The following CUBN variants were observed in gnomAD, a reference collection of about 807,000 sequenced individuals.
CUBN encodes the protein 460 kDa receptor.
Under a neutral mutation model 405.3 loss-of-function variants are expected in CUBN, and 282 were observed. That is an observed-to-expected ratio of 0.70 (90% CI 0.63 to 0.77). The LOEUF is 0.77. Among genes scored for constraint, CUBN ranks in the 30% least tolerant of loss-of-function variants. CUBN has a pLI of 0.00. For missense variants in CUBN, 4,514 were observed against 4,475.2 expected, an observed-to-expected ratio of 1.01 and a Z score of -0.25; for synonymous variants, 1,684 against 1,617.0, an observed-to-expected ratio of 1.04 and a Z score of -0.99.
chr10:16,845,365 G>A (rs1021501617), intron 60 of CUBN, among the ~76,000 whole-genome samples: 2 of 152,214 alleles, frequency 1.3e-5, no homozygotes, highest in East Asian at 1.9e-4. Flanking sequence ...CAGAATCTTA[G>A]AGTATCTTCA....
intron 13 of CUBN, among the ~76,000 whole-genome samples, chr10:17,102,400 C>T (rs1458824883): frequency 1.3e-5 from 2 of 151,526 alleles, no homozygotes; most frequent in East Asian, 1.9e-4. Flanking sequence ...GATTCTCCTG[C>T]CTCAGCCTCC....
chr10:17,076,692 A>T (rs898149770), intron 17 of CUBN, among the ~76,000 whole-genome samples: 4 of 152,152 alleles, frequency 2.6e-5, no homozygotes, highest in Non-Finnish European at 5.9e-5. Context: ...TGCCCAACAG[A>T]GTGTGAGCAA....
rs1239103042 is a variant in CUBN at position 17,129,265 on chromosome 10, C to T, written c.123-15G>A. The T allele has an allele frequency of 2.5e-6, 4 of 1,612,904 alleles. No individual in the cohort carries two copies. In the African/African-American group the frequency reaches 4.0e-5, roughly 16 times the overall value. ...CCATTCGAGGCCTATATAATTCAAA[C>T]GAGAGAATGCATCAGTAATTAGCAA... On this transcript the variant is annotated splice_polypyrimidine_tract_variant and intron_variant, in intron 1 of 66. Coordinates refer to ENST00000377833, the MANE Select transcript of CUBN (RefSeq NM_001081.4).
chr10:16,920,017 T>G lies in CUBN; in HGVS notation c.6767A>C (p.Glu2256Ala). 6.2e-7 allele frequency: 1 copy of G among 1,613,996 alleles called. No homozygotes were observed. Among genetic ancestry groups the G allele is most frequent in the East Asian group, 2.2e-5 (1 of 44,864 alleles). Residue 2256 changes from glutamate to alanine, a missense_variant, in exon 44 of 67, where the codon GAA becomes GCA. Physicochemically the swap from Glu to Ala is moderately radical, Grantham distance 107 (BLOSUM62 -1). Coordinates refer to ENST00000377833, the MANE Select transcript of CUBN (RefSeq NM_001081.4). The part of the protein sequence containing the change: ...DCIWILAAPP[E>A]TRIQLQFEDR... The stretch of plus-strand genomic sequence containing the variant: ...TTCAAATTGCAGCTGTATGCGTGTT[T>G]CCGGTGGAGCCGCTAAGATCCAAAT...
Position 16,900,778 on chromosome 10 carries a change from C to T in CUBN, c.8257G>A (p.Gly2753Arg). The part of the protein sequence containing the change: ...AWDSVTVRNG[G>R]SPESPIIGQY... ...CCTATGATGGGTGATTCAGGGGACC[C>T]ACCATTCCTGACAGTGACAGAGTCC... The change falls in exon 53 of 67, where the codon GGG becomes AGG. Residue 2753 changes from glycine to arginine, a missense_variant. By Grantham distance (125) the Gly-to-Arg change is moderately radical (BLOSUM62 -2). Transcript: ENST00000377833. 6.2e-7 allele frequency: 1 copy of T among 1,614,004 alleles called. No homozygotes were observed.
intron 54 of CUBN, among the ~76,000 whole-genome samples, chr10:16,898,066 G>GTATATATATATATATATATATATA (rs10551726): frequency 6.3e-4 from 92 of 145,002 alleles, no homozygotes; most frequent in African/African-American, 2.3e-3. Context: ...TTTATTATAT[G>GTATATATATATATATATATATATA]TATATATATA....
chr10:17,007,847 C>G (rs1052072340), intron 28 of CUBN, among the ~76,000 whole-genome samples: 1 of 152,174 alleles, frequency 6.6e-6, no homozygotes, highest in East Asian at 1.9e-4. Context: ...GTTACACACA[C>G]TCACACAAAT....
At chr10:17,051,186 A>C (rs12269008) in intron 22 of CUBN, among the ~76,000 whole-genome samples, 7,901 of 151,784 alleles carry the variant, frequency 0.052, 698 homozygotes, top group African/African-American at 0.18. Flanking sequence ...ATGGTGAAAC[A>C]CCATCTCTAC....
chr10:16,947,458 A>G (rs183949645), intron 35 of CUBN, 91 bp from the exon 36 acceptor site: 46 of 1,256,668 alleles, frequency 3.7e-5, no homozygotes, highest in Admixed American at 1.1e-4. Flanking sequence ...AGCCATTATC[A>G]ATGTAAAAGA....
At chr10:16,891,909 C>G (rs575302309) in intron 54 of CUBN, among the ~76,000 whole-genome samples, 1 of 152,062 alleles carries the variant, frequency 6.6e-6, no homozygotes, top group Admixed American at 6.6e-5. Flanking sequence ...CCAATATGCC[C>G]TTTCTATCAA....
intron 58 of CUBN, among the ~76,000 whole-genome samples, chr10:16,873,189 T>A (rs1417074407): frequency 6.6e-6 from 1 of 152,124 alleles, no homozygotes; most frequent in Non-Finnish European, 1.5e-5. Context: ...TGAACAATAT[T>A]ACTGTCAGAG....
chr10:17,113,436 AT>A (rs1439987541), intron 8 of CUBN, among the ~76,000 whole-genome samples: 23 of 146,706 alleles, frequency 1.6e-4, no homozygotes, highest in Admixed American at 4.1e-4. Context: ...AAAAAAAAAA[AT>A]GTGTGGAATA....
At chr10:16,971,358 C>A (rs1284539186) in intron 31 of CUBN, among the ~76,000 whole-genome samples, 2 of 152,196 alleles carry the variant, frequency 1.3e-5, no homozygotes, top group Admixed American at 6.5e-5. Context: ...CTTCATGAAT[C>A]CCTGGACAAC....
At chr10:16,911,778 C>T (rs1358665569) in intron 48 of CUBN, among the ~76,000 whole-genome samples, 1 of 152,134 alleles carries the variant, frequency 6.6e-6, no homozygotes, top group Non-Finnish European at 1.5e-5. Context: ...TTTAGTAATA[C>T]ATGAGTAGAA....
chr10:16,835,912 T>C (rs527559259), intron 63 of CUBN, among the ~76,000 whole-genome samples: 1 of 152,326 alleles, frequency 6.6e-6, no homozygotes, highest in East Asian at 1.9e-4. Flanking sequence ...ATATTTCTTG[T>C]AAATAAAAAT....
At chr10:16,895,556 G>A (rs1841158384) in intron 54 of CUBN, among the ~76,000 whole-genome samples, 1 of 152,106 alleles carries the variant, frequency 6.6e-6, no homozygotes, top group South Asian at 2.1e-4. Flanking sequence ...ATTGCTTTAT[G>A]TATTTTGTGC....
intron 12 of CUBN, among the ~76,000 whole-genome samples, chr10:17,104,194 T>C (rs977130930): frequency 6.6e-6 from 1 of 152,174 alleles, no homozygotes; most frequent in Non-Finnish European, 1.5e-5. Flanking sequence ...AAATGGCAAA[T>C]ACTAATGTAT....
At chr10:17,039,906 A>G (rs908856595) in intron 27 of CUBN, among the ~76,000 whole-genome samples, 19 of 152,214 alleles carry the variant, frequency 1.2e-4, no homozygotes, top group African/African-American at 4.6e-4. Context: ...AGGACCTCAC[A>G]GAGTCTCTCA....
intron 39 of CUBN, among the ~76,000 whole-genome samples, chr10:16,935,867 G>A (rs573161047): frequency 1.9e-4 from 21 of 109,770 alleles, no homozygotes; most frequent in African/African-American, 4.6e-4. Context: ...GCGACAGAGC[G>A]AGACTCCATC....
Sources: allele counts gnomAD v4.1 joint callset (sites outside exome capture counted in the v4.1 genomes callset), GRCh38; gene constraint gnomAD v4.1.1; transcripts MANE v1.5; gene names NCBI Gene and HGNC (gene_info 2026-07-23, HGNC 2026-07-21).